The following TRIM63 variants were observed in gnomAD, a reference collection of about 807,000 sequenced individuals.
TRIM63 encodes tripartite motif containing 63.
In TRIM63, 48 loss-of-function variants were observed where a neutral mutation model predicts 46.0. The observed-to-expected ratio is 1.04, with a 90% CI of 0.83 to 1.33. The LOEUF (loss-of-function observed/expected upper bound fraction) is 1.33, where lower values mean the gene tolerates loss of function less well. Ranked by LOEUF, TRIM63 falls within the 40% of genes most tolerant of loss-of-function variation. TRIM63 has a pLI of 0.00. For synonymous variants in TRIM63, 175 were observed against 162.8 expected (o/e 1.08, Z -0.57); for missense variants, 455 against 441.2 (o/e 1.03, Z -0.28).
intron 2 of TRIM63, among the ~76,000 whole-genome samples, chr1:26,062,163 G>A (rs1194428598): frequency 6.6e-6 from 1 of 151,812 alleles, no homozygotes; most frequent in Non-Finnish European, 1.5e-5. Context: ...CCAGCTACTC[G>A]GGAGGCTGAG....
Position 26,051,889 on chromosome 1 carries a change from A to G in TRIM63, c.1052-6T>C. 1 of 1,320,548 alleles carries G rather than the reference A, an allele frequency of 7.6e-7. No homozygotes were observed. The highest frequency in any genetic ancestry group is 9.7e-7 in the Non-Finnish European group (1 of 1,026,350). 81.8% of individuals were successfully genotyped at this position (1,320,548 alleles called of 1,614,324 possible). A position where few individuals can be genotyped will look rare whatever the true frequency, so the allele number is the denominator to read the frequency against. The stretch of plus-strand genomic sequence containing the variant: ...TCCAGCTCCTTACTGGTGTCCTGAA[A>G]TGAAGAAAAAGATACAGAGGCAAGG... On this transcript the variant is annotated splice_region_variant and splice_polypyrimidine_tract_variant and intron_variant, in intron 8 of 8. Transcript: ENST00000374272.
At chr1:26,064,880 G>A (rs1319608505) in intron 2 of TRIM63, among the ~76,000 whole-genome samples, 1 of 152,204 alleles carries the variant, frequency 6.6e-6, no homozygotes, top group Non-Finnish European at 1.5e-5. Flanking sequence ...GGCACTGCCT[G>A]CAGGCAGATG....
chr1:26,055,019 C>T (rs1010659950), intron 7 of TRIM63, among the ~76,000 whole-genome samples: 41 of 152,032 alleles, frequency 2.7e-4, no homozygotes, highest in African/African-American at 8.9e-4. Context: ...AAAATTCCAG[C>T]CAAGTAACTG....
At chr1:26,058,691 T>G in intron 4 of TRIM63, 68 bp from the exon 5 acceptor site, 1 of 1,253,172 alleles carries the variant, frequency 8.0e-7, no homozygotes, top group Admixed American at 1.8e-5. Context: ...ACTGCCTTCC[T>G]AGGACAGTAG....
Position 26,057,338 on chromosome 1 carries a change from G to C in TRIM63, c.855-11C>G. 6.2e-7 allele frequency: 1 copy of C among 1,613,634 alleles called. No homozygotes were observed. The highest frequency in any genetic ancestry group is 8.5e-7 in the Non-Finnish European group (1 of 1,179,890). On this transcript the variant is annotated splice_polypyrimidine_tract_variant and intron_variant, in intron 6 of 8. Coordinates refer to ENST00000374272, the MANE Select transcript of TRIM63 (RefSeq NM_032588.4). ...GAAGCTTCCACAATGCTGCAGGGGA[G>C]ACAGAAAGAGAGGCAGGATGAGGTC... is the stretch of plus-strand genomic sequence containing the variant.
chr1:26,061,117 C>A (rs751889950), intron 3 of TRIM63, 49 bp downstream of exon 3: 2 of 1,588,206 alleles, frequency 1.3e-6, no homozygotes, highest in African/African-American at 1.3e-5. Flanking sequence ...AATCATCAGG[C>A]CGTGCCCAGC....
intron 2 of TRIM63, among the ~76,000 whole-genome samples, chr1:26,064,301 C>T (rs935144293): frequency 6.6e-5 from 10 of 151,984 alleles, no homozygotes; most frequent in African/African-American, 1.9e-4. Context: ...CACGTTGGCA[C>T]GCATCTGTAG....
intron 4 of TRIM63, among the ~76,000 whole-genome samples, chr1:26,059,023 CTTTTTTT>C (rs986591996): frequency 8.6e-6 from 1 of 116,940 alleles, no homozygotes; most frequent in African/African-American, 3.3e-5. Context: ...CTCTGTTGCC[CTTTTTTT>C]TTTTTTTTTT....
intron 2 of TRIM63, among the ~76,000 whole-genome samples, chr1:26,062,633 C>T (rs1399799277): frequency 6.6e-6 from 1 of 152,230 alleles, no homozygotes; most frequent in Non-Finnish European, 1.5e-5. Flanking sequence ...AGGCCCAAGT[C>T]TCTTCCTCTA....
At chr1:26,061,437 A>G in intron 2 of TRIM63, 103 bp from the exon 3 acceptor site, 1 of 1,245,886 alleles carries the variant, frequency 8.0e-7, no homozygotes, top group Non-Finnish European at 1.1e-6. Flanking sequence ...CTGAGGCAGG[A>G]GGATTGCTCA....
chr1:26,056,077 C>T (rs1295986667), intron 7 of TRIM63, among the ~76,000 whole-genome samples: 1 of 152,322 alleles, frequency 6.6e-6, no homozygotes, highest in South Asian at 2.1e-4. Context: ...ATCCCCTTGT[C>T]CCCCAACCTC....
chr1:26,053,090 T>C (rs766011068), intron 8 of TRIM63, among the ~76,000 whole-genome samples: 2 of 151,788 alleles, frequency 1.3e-5, no homozygotes, highest in Non-Finnish European at 2.9e-5. Flanking sequence ...ACTACAGATA[T>C]GTACCACCAT....
Position 26,057,295 on chromosome 1 carries a change from C to G in TRIM63, c.887G>C (p.Gly296Ala), listed in dbSNP as rs977834775. 5 of 1,614,024 alleles carry G rather than the reference C, an allele frequency of 3.1e-6. No individual in the cohort carries two copies. In the African/African-American group the frequency reaches 6.7e-5, roughly 22 times the overall value. Reference sequence around the variant, plus strand: ...GTTCTCAAAGCCCTGCTCTGTCTTCCCCAGCTGGCAGCCCTTGGAAGCTTC... The same window carrying G: ...GTTCTCAAAGCCCTGCTCTGTCTTCGCCAGCTGGCAGCCCTTGGAAGCTTC... ...IVEASKGCQL[G>A]KTEQGFENMD... Residue 296 changes from glycine (G) to alanine (A), a missense_variant, in exon 7 of 9, where the codon GGG (glycine) becomes GCG (alanine). Coordinates refer to ENST00000374272, the MANE Select transcript of TRIM63 (RefSeq NM_032588.4).
At chr1:26,059,329 GCCTTTTAGCTGTGTTTC>G (rs2050601641) in intron 4 of TRIM63, among the ~76,000 whole-genome samples, 2 of 152,174 alleles carry the variant, frequency 1.3e-5, no homozygotes, top group African/African-American at 2.4e-5. Context: ...GCTCTCTGTT[GCCTTTTAGCTGTGTTTC>G]CCTTTTAGCT....
chr1:26,060,193 G>T, intron 4 of TRIM63, 73 bp downstream of exon 4: 1 of 1,412,472 alleles, frequency 7.1e-7, no homozygotes, highest in Non-Finnish European at 9.9e-7. Flanking sequence ...CAACCTATGG[G>T]TGAGCCTTCC....
intron 1 of TRIM63, 72 bp from the exon 2 acceptor site, chr1:26,066,512 T>A: frequency 7.2e-7 from 1 of 1,384,698 alleles, no homozygotes; most frequent in East Asian, 2.6e-5. Flanking sequence ...TCTCCTCTTA[T>A]CCTTTCCTCT....
chr1:26,058,387 C>A lies in TRIM63; in HGVS notation c.831+3G>T, dbSNP rs758896878. On this transcript the variant is annotated splice_donor_region_variant and intron_variant, in intron 5 of 8. Transcript: ENST00000374272. ...CCACCCAGACCCTTCTAGTCCTGCTCACCAAGAGGAAGGTGGCTCCCCCAG... is the reference window on the plus strand; with the variant it reads ...CCACCCAGACCCTTCTAGTCCTGCTAACCAAGAGGAAGGTGGCTCCCCCAG... The A allele has an allele frequency of 6.2e-7, 1 of 1,613,610 alleles. No individual in the cohort carries two copies. The highest frequency in any genetic ancestry group is 8.5e-7 in the Non-Finnish European group (1 of 1,179,772).
intron 7 of TRIM63, among the ~76,000 whole-genome samples, chr1:26,054,861 G>A (rs1165019933): frequency 6.6e-6 from 1 of 151,922 alleles, no homozygotes; most frequent in African/African-American, 2.4e-5. Flanking sequence ...CCAGCTACTT[G>A]GGAGGCTGAG....
chr1:26,061,209 G>T lies in TRIM63; in HGVS notation c.458C>A (p.Ala153Asp), dbSNP rs1269531916. The T allele has an allele frequency of 6.2e-7, 1 of 1,614,050 alleles. No individual in the cohort carries two copies. Among genetic ancestry groups the T allele is most frequent in the Admixed American group, 1.7e-5 (1 of 60,010 alleles). Residue 153 changes from alanine (A) to aspartate (D), a missense_variant, in exon 3 of 9, where the codon GCC becomes GAC. Physicochemically the swap from Ala to Asp is moderately radical, Grantham distance 126. Coordinates refer to ENST00000374272, the MANE Select transcript of TRIM63 (RefSeq NM_032588.4). Reference sequence around the variant, plus strand: ...ACTCTGCAATGGGGCCACCTCGCAGGCCTTGTGGATCCCAAACACCTTGCA... The same window carrying T: ...ACTCTGCAATGGGGCCACCTCGCAGTCCTTGTGGATCCCAAACACCTTGCA... ...SMCKVFGIHK[A>D]CEVAPLQSVF...
Sources: allele counts gnomAD v4.1 joint callset (sites outside exome capture counted in the v4.1 genomes callset), GRCh38; gene constraint gnomAD v4.1.1; transcripts MANE v1.5; gene names NCBI Gene and HGNC (gene_info 2026-07-23, HGNC 2026-07-21).